Variants in TBKBP1 observed in about 807,000 individuals in gnomAD.
The protein encoded by TBKBP1 is TANK-binding kinase 1-binding protein 1.
Under a neutral mutation model 69.9 loss-of-function variants are expected in TBKBP1, and 47 were observed. The ratio of observed to expected loss-of-function variants is 0.67; its 90% CI spans 0.53 to 0.86. TBKBP1 has a LOEUF of 0.86. Among genes scored for constraint, TBKBP1 ranks in the 40% least tolerant of loss-of-function variants. The pLI, the probability that TBKBP1 is intolerant of heterozygous loss-of-function variation, is 0.00. For synonymous variants in TBKBP1, 418 were observed against 390.3 expected, an observed-to-expected ratio of 1.07 and a Z score of -0.84; for missense variants, 831 against 858.6, an observed-to-expected ratio of 0.97 and a Z score of 0.40.
At chr17:47,702,172 C>T (rs916202283) in intron 7 of TBKBP1, among the ~76,000 whole-genome samples, 21 of 152,344 alleles carry the variant, frequency 1.4e-4, no homozygotes, top group African/African-American at 4.8e-4. Context: ...AAGGAAGCCT[C>T]AGTCACTTGC....
rs1393689554 is a variant in TBKBP1, at chr17:47,699,495, G to A, written c.810G>A (p.Gln270=). 6.3e-7 allele frequency: 1 copy of A among 1,585,830 alleles called. No individual in the cohort carries two copies. Among genetic ancestry groups the A allele is most frequent in the Non-Finnish European group, 8.6e-7 (1 of 1,164,630 alleles). ...AGCAGCTGCAGGAGACCCGGGCCCA[G>A]GTAAATGCAGGGGCCTGGAACAGCT... ...ELKQLQETRA[Q]DLASNQSERD... Residue 270 remains glutamine, a splice_region_variant and synonymous_variant, in exon 6 of 10, where the codon CAG becomes CAA. Coordinates refer to ENST00000578982, the MANE Select transcript of TBKBP1 (RefSeq NM_001394755.1).
At chr17:47,703,726 G>A (rs1266228378) in intron 7 of TBKBP1, among the ~76,000 whole-genome samples, 1 of 151,628 alleles carries the variant, frequency 6.6e-6, no homozygotes, top group East Asian at 1.9e-4. Context: ...CTATCTGCTA[G>A]GCACTCCCCT....
At chr17:47,694,725 G>T (rs927008135) in intron 1 of TBKBP1, 2 of 142,790 alleles carry the variant, frequency 1.4e-5, no homozygotes, top group Non-Finnish European at 3.0e-5. Context: ...GCGGGGGTCT[G>T]GGGGGGTGTG....
Position 47,696,268 on chromosome 17 carries a change from G to GGAAC in TBKBP1, c.158_161dup (p.Leu55ThrfsTer28). Reference sequence around the variant, plus strand: ...TCATCACTGCTTACGGAGACATCAAGGAACGGCTGGGGGGCCTGGAGAGGG... The same window carrying GGAAC: ...TCATCACTGCTTACGGAGACATCAAGGAACGAACGGCTGGGGGGCCTGGAGAGGG... On this transcript the variant is annotated frameshift_variant, in exon 2 of 10. Transcript: ENST00000578982. LOFTEE classifies it high-confidence loss of function. The GGAAC allele has an allele frequency of 6.2e-7, 1 of 1,613,698 alleles. No individual in the cohort carries two copies. Among genetic ancestry groups the GGAAC allele is most frequent in the Non-Finnish European group, 8.5e-7 (1 of 1,179,874 alleles).
Position 47,708,276 on chromosome 17 carries a change from C to G in TBKBP1, c.873-118C>G. On this transcript the variant is annotated intron_variant, in intron 7 of 9. Transcript: ENST00000578982. The surrounding 1 kb of genome is among the most constrained non-coding windows in gnomAD (Gnocchi z 4.4). ...TTTCTGCAATTGGGGTAGGAGGGCC[C>G]TGCGGGTGGGAGGGAGCATGGTGGG... 9.4e-7 allele frequency: 1 copy of G among 1,062,556 alleles called. No individual in the cohort carries two copies. Among genetic ancestry groups the G allele is most frequent in the South Asian group, 1.5e-5 (1 of 66,196 alleles). 65.8% of individuals were successfully genotyped at this position (1,062,556 alleles called of 1,614,324 possible).
rs771944620 is a variant in TBKBP1, at chr17:47,696,122, A to C, written c.10A>C (p.Met4Leu). Residue 4 changes from methionine (M) to leucine (L), a missense_variant, in exon 2 of 10, where the codon ATG becomes CTG. By Grantham distance (15) the Met-to-Leu change is conservative (BLOSUM62 2). Transcript: ENST00000578982. MESMFEDDISILTQ... is the reference protein window; with the variant it reads MESLFEDDISILTQ... ...CGGCCCGGCCCTCACCATGGAGTCC[A>C]TGTTCGAGGACGACATCAGCATCCT... 19 of 1,611,024 alleles carry C rather than the reference A, an allele frequency of 1.2e-5. No individual in the cohort carries two copies. Among genetic ancestry groups the C allele is most frequent in the Non-Finnish European group, 1.4e-5 (17 of 1,179,080 alleles).
chr17:47,708,899 C>T lies in TBKBP1; in HGVS notation c.1166C>T (p.Pro389Leu). ...SPQQRRSPAS[P>L]SCPSPVPQRR... ...CAGCAGCGCCGCTCTCCGGCCTCAC[C>T]CTCCTGCCCGTCGCCCGTCCCGCAG... Residue 389 changes from proline to leucine, a missense_variant, in exon 9 of 10, where the codon CCC (proline) becomes CTC (leucine). Transcript: ENST00000578982. The surrounding 1 kb of genome is among the most constrained non-coding windows in gnomAD (Gnocchi z 4.4). 7.2e-7 allele frequency: 1 copy of T among 1,394,112 alleles called. No individual in the cohort carries two copies. Among genetic ancestry groups the T allele is most frequent in the Non-Finnish European group, 9.3e-7 (1 of 1,075,782 alleles). The allele number at this position is 1,394,112 out of a possible 1,614,324, so 86.4% of individuals were successfully genotyped here. A position where few individuals can be genotyped will look rare whatever the true frequency, so the allele number is the denominator to read the frequency against.
chr17:47,708,482 A>C lies in TBKBP1; in HGVS notation c.961A>C (p.Thr321Pro). ...TTCCCTACAGGGGAGAATCTTGAGG[A>C]CTCTGTTGCAGGAACAGGCCCGGAG... ...LSSLQGRILRTLLQEQARSGG... is the reference protein window; with the variant it reads ...LSSLQGRILRPLLQEQARSGG... Residue 321 changes from threonine to proline, a missense_variant, in exon 8 of 10, where the codon ACT becomes CCT. Coordinates refer to ENST00000578982, the MANE Select transcript of TBKBP1 (RefSeq NM_001394755.1). This position sits in a 1 kb window ranked among gnomAD's most constrained non-coding sequence, Gnocchi z 4.4. 1 of 1,613,544 alleles carries C rather than the reference A, an allele frequency of 6.2e-7. No individual in the cohort carries two copies. Among genetic ancestry groups the C allele is most frequent in the East Asian group, 2.2e-5 (1 of 44,864 alleles).
rs974973718 is a variant in TBKBP1, at chr17:47,694,454, G to T, written c.-35+260G>T. 7.9e-5 allele frequency among the ~76,000 whole-genome samples: 12 copies of T among 152,050 alleles called. 1 individual carries two copies. Among genetic ancestry groups the T allele is most frequent in the Admixed American group, 4.6e-4 (7 of 15,272 alleles). On this transcript the variant is annotated intron_variant, in intron 1 of 9. Transcript: ENST00000578982. The stretch of plus-strand genomic sequence containing the variant: ...GGGGGCCCAGGGCTCGGCCGGTTGT[G>T]GGGGAGGGGGCTGCGTGGTCTCGGC...
chr17:47,696,632 G>A lies in TBKBP1; in HGVS notation c.226-79G>A, dbSNP rs554917992. Reference sequence around the variant, plus strand: ...GGGTCAAAGGTCTGAGGCAGGTTGTGGGTTGGGGGCACAGCCAGGCTGAGG... The same window carrying A: ...GGGTCAAAGGTCTGAGGCAGGTTGTAGGTTGGGGGCACAGCCAGGCTGAGG... On this transcript the variant is annotated intron_variant, in intron 2 of 9. Coordinates refer to ENST00000578982, the MANE Select transcript of TBKBP1 (RefSeq NM_001394755.1). The A allele has an allele frequency of 5.7e-5, 92 of 1,604,278 alleles. No homozygotes were observed. The East Asian group carries it at 1.6e-3, about 28-fold the overall frequency.
At position 47,697,091 on chromosome 17, in the gene TBKBP1, A is replaced by G. The variant is rs1441948341; in HGVS notation, c.351A>G (p.Leu117=). The part of the protein sequence containing the change: ...QQRLNQFQHE[L]QKNKEQEEQL... ...GGGGCCCTCTGGGCCTCATCCAGTT[A>G]CAGAAGAACAAGGAGCAGGAAGAAC... is the stretch of plus-strand genomic sequence containing the variant. The change falls in exon 4 of 10, where the codon TTA becomes TTG. Residue 117 remains leucine, a splice_region_variant and synonymous_variant. Coordinates refer to ENST00000578982, the MANE Select transcript of TBKBP1 (RefSeq NM_001394755.1). 2 of 1,610,412 alleles carry G rather than the reference A, an allele frequency of 1.2e-6. No individual in the cohort carries two copies. The highest frequency in any genetic ancestry group is 1.7e-4 in the Middle Eastern group (1 of 6,036).
Position 47,709,005 on chromosome 17 carries a change from G to T in TBKBP1, c.1272G>T (p.Pro424=). 8.6e-7 allele frequency: 1 copy of T among 1,156,292 alleles called. No homozygotes were observed. The highest frequency in any genetic ancestry group is 1.1e-6 in the Non-Finnish European group (1 of 938,204). The allele number at this position is 1,156,292 out of a possible 1,614,324, so 71.6% of individuals were successfully genotyped here. The part of the protein sequence containing the change: ...RSPVPPSCPA[P]QPRPPPPPPP... ...CGGTGCCCCCCAGCTGCCCGGCCCCGCAGCCCCGGCCACCGCCGCCGCCCC... is the reference window on the plus strand; with the variant it reads ...CGGTGCCCCCCAGCTGCCCGGCCCCTCAGCCCCGGCCACCGCCGCCGCCCC... Residue 424 remains proline (P), a synonymous_variant, in exon 9 of 10, where the codon CCG becomes CCT. Coordinates refer to ENST00000578982, the MANE Select transcript of TBKBP1 (RefSeq NM_001394755.1).
chr17:47,694,840 C>G (rs925894951), intron 1 of TBKBP1, among the ~76,000 whole-genome samples: 9 of 150,272 alleles, frequency 6.0e-5, no homozygotes, highest in Admixed American at 4.8e-4. Flanking sequence ...TTACTCAGAC[C>G]CAGTCACTCG....
rs771944620 is a variant in TBKBP1 at position 47,696,122 on chromosome 17, A to T, written c.10A>T (p.Met4Leu). The stretch of plus-strand genomic sequence containing the variant: ...CGGCCCGGCCCTCACCATGGAGTCC[A>T]TGTTCGAGGACGACATCAGCATCCT... MESMFEDDISILTQ... is the reference protein window; with the variant it reads MESLFEDDISILTQ... Residue 4 changes from methionine (M) to leucine (L), a missense_variant, in exon 2 of 10, where the codon ATG becomes TTG. Transcript: ENST00000578982. 7 of 1,611,024 alleles carry T rather than the reference A, an allele frequency of 4.3e-6. No homozygotes were observed. Among genetic ancestry groups the T allele is most frequent in the Admixed American group, 1.7e-5 (1 of 59,892 alleles).
intron 7 of TBKBP1, among the ~76,000 whole-genome samples, chr17:47,707,305 A>G (rs1256809762): frequency 6.6e-6 from 1 of 152,186 alleles, no homozygotes; most frequent in Non-Finnish European, 1.5e-5. Context: ...ATGACCTTCC[A>G]TGGTTCTGGG....
Position 47,709,458 on chromosome 17 carries a change from T to A in TBKBP1, c.1719+6T>A. On this transcript the variant is annotated splice_donor_region_variant and intron_variant, in intron 9 of 9. Coordinates refer to ENST00000578982, the MANE Select transcript of TBKBP1 (RefSeq NM_001394755.1). ...AGTCCTGGCCGTCCATCAACGTGAG[T>A]GGGGCGCCCGCGTTCCGCCCACCCC... 1 of 1,515,374 alleles carries A rather than the reference T, an allele frequency of 6.6e-7. No homozygotes were observed. Among genetic ancestry groups the A allele is most frequent in the Non-Finnish European group, 8.8e-7 (1 of 1,139,172 alleles). The allele number at this position is 1,515,374 out of a possible 1,614,324, so 93.9% of individuals were successfully genotyped here.
chr17:47,704,400 G>A (rs768211849), intron 7 of TBKBP1, among the ~76,000 whole-genome samples: 12 of 152,228 alleles, frequency 7.9e-5, no homozygotes, highest in Non-Finnish European at 1.6e-4. Flanking sequence ...TCCGTTCCAC[G>A]GCCCGGTGCC....
In TBKBP1 at chr17:47,698,692, G is replaced by A. The variant is rs760044352; in HGVS notation, c.551G>A (p.Ser184Asn). The A allele has an allele frequency of 1.2e-6, 2 of 1,606,040 alleles. No individual in the cohort carries two copies. Among genetic ancestry groups the A allele is most frequent in the Non-Finnish European group, 1.7e-6 (2 of 1,176,432 alleles). ...GLQDAAFSNL[S>N]PPPAPAPPCT... The stretch of plus-strand genomic sequence containing the variant: ...CAGGATGCAGCCTTCTCCAACCTGA[G>A]CCCACCGCCAGCCCCCGCCCCTCCC... The change falls in exon 5 of 10, where the codon AGC (serine) becomes AAC (asparagine). Residue 184 changes from serine (S) to asparagine (N), a missense_variant. Ser to Asn is a conservative substitution (Grantham distance 46). Coordinates refer to ENST00000578982, the MANE Select transcript of TBKBP1 (RefSeq NM_001394755.1).
intron 7 of TBKBP1, among the ~76,000 whole-genome samples, chr17:47,706,101 A>AATCT (rs1238762004): frequency 6.6e-6 from 1 of 152,184 alleles, no homozygotes; most frequent in African/African-American, 2.4e-5. Context: ...TGGCAGGTGA[A>AATCT]ATCTCTGAGG....
Sources: allele counts gnomAD v4.1 joint callset (sites outside exome capture counted in the v4.1 genomes callset), GRCh38; gene constraint gnomAD v4.1.1; non-coding constraint Gnocchi (gnomAD v3.1); transcripts MANE v1.5; gene names NCBI Gene and HGNC (gene_info 2026-07-23, HGNC 2026-07-21).